The following OSBP2 variants were observed in gnomAD, a reference collection of about 807,000 sequenced individuals.
The protein encoded by OSBP2 is oxysterol-binding protein 2.
A neutral mutation model predicts 96.0 loss-of-function variants in OSBP2; 66 were observed. That is an observed-to-expected ratio of 0.69 (90% CI 0.56 to 0.84). OSBP2 has a LOEUF of 0.84. Ranked by LOEUF, OSBP2 falls within the 40% of genes least tolerant of loss-of-function variation. The pLI is 0.00. For missense variants in OSBP2, 1,038 were observed against 1,222.7 expected (o/e 0.85, Z 2.25); for synonymous variants, 525 against 520.9 (o/e 1.01, Z -0.11).
At chr22:30,725,033 G>A (rs2089619076) in intron 1 of OSBP2, among the ~76,000 whole-genome samples, 1 of 151,604 alleles carries the variant, frequency 6.6e-6, no homozygotes, top group African/African-American at 2.4e-5. Context: ...AAAATTAGCC[G>A]GGCGTGGTGG....
At chr22:30,850,388 C>G (rs1332207810) in intron 2 of OSBP2, among the ~76,000 whole-genome samples, 3 of 151,850 alleles carry the variant, frequency 2.0e-5, no homozygotes, top group African/African-American at 7.3e-5. Context: ...TAAGTCCATA[C>G]TTACGCCAAT....
chr22:30,882,894 C>T (rs974047632), intron 3 of OSBP2, among the ~76,000 whole-genome samples: 4 of 152,286 alleles, frequency 2.6e-5, no homozygotes, highest in East Asian at 3.9e-4. Flanking sequence ...GTCATCTTTC[C>T]CTCTTTGCTT....
At chr22:30,858,128 TTTG>T (rs1265241333) in intron 2 of OSBP2, among the ~76,000 whole-genome samples, 1 of 129,772 alleles carries the variant, frequency 7.7e-6, no homozygotes, top group East Asian at 2.3e-4. Flanking sequence ...TTGTTTTTTT[TTTG>T]TTTGTTTGTT....
Position 30,695,052 on chromosome 22 carries a change from C to G in OSBP2, c.143C>G (p.Pro48Arg). ...GMSASTSGSG[P>R]EPKPQPQPVP... ...AGCGCTTCCACGTCCGGCTCCGGGC[C>G]GGAGCCCAAGCCCCAGCCCCAGCCC... The change falls in exon 1 of 14, where the codon CCG becomes CGG. Residue 48 changes from proline to arginine, a missense_variant. Pro to Arg is a moderately radical substitution (Grantham distance 103). Transcript: ENST00000332585. The G allele has an allele frequency of 3.1e-6, 5 of 1,590,146 alleles. No homozygotes were observed. The South Asian group carries it at 4.6e-5, about 14-fold the overall frequency.
intron 2 of OSBP2, among the ~76,000 whole-genome samples, chr22:30,845,551 TTG>T (rs1360882318): frequency 6.6e-6 from 1 of 151,278 alleles, no homozygotes; most frequent in Non-Finnish European, 1.5e-5. Context: ...CAATGCAGGG[TTG>T]CTACTGACCT....
chr22:30,802,909 T>G (rs533687656), intron 2 of OSBP2, among the ~76,000 whole-genome samples: 39 of 152,206 alleles, frequency 2.6e-4, no homozygotes, highest in Non-Finnish European at 5.0e-4. Context: ...CCGGCTGCTC[T>G]CTGAGCTCGC....
chr22:30,730,169 C>A (rs1160058842), intron 1 of OSBP2, among the ~76,000 whole-genome samples: 2 of 152,004 alleles, frequency 1.3e-5, no homozygotes, highest in African/African-American at 4.8e-5. Flanking sequence ...CACCATGTTT[C>A]CCAGGCTAGT....
intron 2 of OSBP2, among the ~76,000 whole-genome samples, chr22:30,828,893 C>T (rs2038462055): frequency 6.6e-6 from 1 of 152,026 alleles, no homozygotes; most frequent in African/African-American, 2.4e-5. Context: ...CCCTAGGTAG[C>T]GAGGGGGCAG....
intron 2 of OSBP2, among the ~76,000 whole-genome samples, chr22:30,845,919 ATAAAAGAG>A (rs949780828): frequency 6.6e-6 from 1 of 151,738 alleles, no homozygotes. Flanking sequence ...GCAAAGCAGA[ATAAAAGAG>A]GTATGCCTGT....
chr22:30,876,104 C>G (rs980827103), intron 3 of OSBP2, among the ~76,000 whole-genome samples: 3 of 152,242 alleles, frequency 2.0e-5, no homozygotes, highest in African/African-American at 7.2e-5. Flanking sequence ...CCAGGGCAAG[C>G]CTTGGCTGGG....
chr22:30,887,266 G>T (rs1182267288), intron 3 of OSBP2, among the ~76,000 whole-genome samples, 160 bp from the exon 4 acceptor site: 1 of 152,158 alleles, frequency 6.6e-6, no homozygotes, highest in East Asian at 1.9e-4. Flanking sequence ...CTCATCCTGT[G>T]ACTTAGAATG....
intron 12 of OSBP2, among the ~76,000 whole-genome samples, chr22:30,900,437 AAGTC>A (rs1337781698): frequency 6.6e-6 from 1 of 152,206 alleles, no homozygotes; most frequent in African/African-American, 2.4e-5. Context: ...ATGATTTAAA[AAGTC>A]AGTAAATCAA....
chr22:30,712,307 T>G (rs1378217101), intron 1 of OSBP2, among the ~76,000 whole-genome samples: 1 of 152,174 alleles, frequency 6.6e-6, no homozygotes, highest in Non-Finnish European at 1.5e-5. Flanking sequence ...GTACATCAGC[T>G]GGGAGAGGAG....
intron 1 of OSBP2, among the ~76,000 whole-genome samples, chr22:30,696,356 G>T (rs1431284643): frequency 6.6e-6 from 1 of 152,194 alleles, no homozygotes; most frequent in Non-Finnish European, 1.5e-5. Context: ...TATGCCAGTG[G>T]TTCTCAAACC....
rs186821938 is a variant in OSBP2 at position 30,897,236 on chromosome 22, A to T, written c.2375+3235A>T. 1.5e-3 allele frequency among the ~76,000 whole-genome samples: 231 copies of T among 151,982 alleles called. 1 individual carries two copies. The highest frequency in any genetic ancestry group is 2.5e-3 in the Non-Finnish European group (172 of 68,032). ...TAGACAAAGCACATATTGATACTTA[A>T]GGAAGAAATTGATAAATCCATCACC... On this transcript the variant is annotated intron_variant, in intron 12 of 13. Coordinates refer to ENST00000332585, the MANE Select transcript of OSBP2 (RefSeq NM_030758.4).
At chr22:30,830,738 G>C (rs1367558399) in intron 2 of OSBP2, among the ~76,000 whole-genome samples, 2 of 152,122 alleles carry the variant, frequency 1.3e-5, no homozygotes, top group Non-Finnish European at 2.9e-5. Context: ...TATTTTTAAG[G>C]GTTATTTACT....
chr22:30,781,142 ATTT>A (rs136305), intron 2 of OSBP2, among the ~76,000 whole-genome samples: 6 of 133,664 alleles, frequency 4.5e-5, no homozygotes, highest in Non-Finnish European at 8.1e-5. Flanking sequence ...TGCCTGGCTA[ATTT>A]TTTTTTTTTT....
At chr22:30,855,964 C>A (rs2039068949) in intron 2 of OSBP2, among the ~76,000 whole-genome samples, 1 of 152,206 alleles carries the variant, frequency 6.6e-6, no homozygotes, top group Admixed American at 6.5e-5. Flanking sequence ...CTCATCCCTG[C>A]AGGCTATGTG....
At chr22:30,885,224 G>A (rs568592282) in intron 3 of OSBP2, among the ~76,000 whole-genome samples, 1 of 152,206 alleles carries the variant, frequency 6.6e-6, no homozygotes, top group African/African-American at 2.4e-5. Context: ...GTCAGCTGGG[G>A]CAATTGGGTG....
Sources: allele counts gnomAD v4.1 joint callset (sites outside exome capture counted in the v4.1 genomes callset), GRCh38; gene constraint gnomAD v4.1.1; transcripts MANE v1.5; gene names NCBI Gene and HGNC (gene_info 2026-07-23, HGNC 2026-07-21).